The following FGF14 variants were observed in gnomAD, a reference collection of about 807,000 sequenced individuals.
FGF14 encodes the protein fibroblast growth factor 14, also known as fibroblast growth factor homologous factor 4.
Under a neutral mutation model 25.5 loss-of-function variants are expected in FGF14, and 5 were observed. The observed-to-expected ratio is 0.20, with a 90% CI of 0.10 to 0.41. The LOEUF is 0.41. FGF14 is among the 10% of genes least tolerant of loss of function. The probability of loss-of-function intolerance (pLI) is 1.00; values close to 1 mark genes in which losing one functional copy is unlikely to be tolerated. For missense variants in FGF14, 222 were observed against 320.1 expected, an observed-to-expected ratio of 0.69 and a Z score of 2.34; for synonymous variants, 138 against 118.3, an observed-to-expected ratio of 1.17 and a Z score of -1.08.
intron 1 of FGF14, among the ~76,000 whole-genome samples, chr13:102,017,355 C>T (rs2040401500): frequency 6.6e-6 from 1 of 152,110 alleles, no homozygotes; most frequent in South Asian, 2.1e-4. Context: ...TTTGTTTTAT[C>T]CCTAAAATCA....
chr13:102,070,956 AACACACAC>A (rs56002219), intron 1 of FGF14, among the ~76,000 whole-genome samples: 110 of 148,864 alleles, frequency 7.4e-4, no homozygotes, highest in Non-Finnish European at 1.0e-3. Context: ...AACAAAACAA[AACACACAC>A]ACACACACAC....
intron 1 of FGF14, among the ~76,000 whole-genome samples, chr13:102,274,905 A>G (rs190486693): frequency 6.6e-6 from 1 of 150,970 alleles, no homozygotes; most frequent in African/African-American, 2.4e-5. Flanking sequence ...TAAATAATAA[A>G]TAATTATTTA....
intron 1 of FGF14, among the ~76,000 whole-genome samples, chr13:102,278,917 G>A (rs1572463): frequency 0.74 from 111,731 of 151,886 alleles, 41,364 homozygotes; most frequent in East Asian, 0.82. Context: ...AGGAAACAAA[G>A]ATGATGTGAC....
intron 3 of FGF14, among the ~76,000 whole-genome samples, chr13:101,855,277 G>A (rs2044066609): frequency 1.3e-5 from 2 of 151,878 alleles, no homozygotes; most frequent in Admixed American, 1.3e-4. Flanking sequence ...TCTTCAACTT[G>A]CTGTTCTTAC....
At chr13:101,988,914 G>A (rs780030171) in intron 1 of FGF14, among the ~76,000 whole-genome samples, 2 of 151,836 alleles carry the variant, frequency 1.3e-5, no homozygotes, top group African/African-American at 4.8e-5. Flanking sequence ...TTGTTTGTTT[G>A]TTTTTTTACC....
At chr13:102,359,902 A>AT (rs1041045660) in intron 1 of FGF14, among the ~76,000 whole-genome samples, 1 of 151,906 alleles carries the variant, frequency 6.6e-6, no homozygotes, top group Non-Finnish European at 1.5e-5. Flanking sequence ...TGTGTTTACA[A>AT]TTTTTTTCTA....
intron 1 of FGF14, among the ~76,000 whole-genome samples, chr13:102,230,428 A>G (rs2051028900): frequency 6.6e-6 from 1 of 152,222 alleles, no homozygotes; most frequent in South Asian, 2.1e-4. Context: ...AAACACTGCA[A>G]TTACAAAGTA....
intron 3 of FGF14, among the ~76,000 whole-genome samples, chr13:101,807,942 A>G (rs747453663): frequency 9.9e-5 from 15 of 152,124 alleles, no homozygotes; most frequent in Non-Finnish European, 1.9e-4. Context: ...ATTATTCTGC[A>G]TAATACTGGT....
rs950854705 is a variant in FGF14 at position 101,944,838 on chromosome 13, A to T, written c.209-69542T>A. ...CTTTATAAGGTACCTAACATAGCCA[A>T]ATTGATAGGTACAGACAGTAGTATG... On this transcript the variant is annotated intron_variant, in intron 1 of 4. Transcript: ENST00000376131. 2.0e-5 allele frequency among the ~76,000 whole-genome samples: 3 copies of T among 152,274 alleles called. No homozygotes were observed. The South Asian group carries it at 6.2e-4, about 32-fold the overall frequency.
chr13:102,084,797 T>C (rs149738764), intron 1 of FGF14, among the ~76,000 whole-genome samples: 4 of 152,316 alleles, frequency 2.6e-5, no homozygotes, highest in Admixed American at 6.5e-5. Context: ...CTTGTCCAGG[T>C]GTGAATTTTC....
intron 3 of FGF14, among the ~76,000 whole-genome samples, chr13:101,765,336 C>G (rs1349649774): frequency 6.6e-6 from 1 of 152,194 alleles, no homozygotes; most frequent in South Asian, 2.1e-4. Flanking sequence ...CAATTCAATG[C>G]AGACCCTTGC....
intron 1 of FGF14, among the ~76,000 whole-genome samples, chr13:102,089,372 G>A (rs566694292): frequency 2.0e-5 from 3 of 152,268 alleles, no homozygotes; most frequent in South Asian, 2.1e-4. Flanking sequence ...CAAACAGAGG[G>A]AAGCAAAGCT....
chr13:102,156,851 T>C (rs1387675095), intron 1 of FGF14, among the ~76,000 whole-genome samples: 1 of 152,194 alleles, frequency 6.6e-6, no homozygotes, highest in Non-Finnish European at 1.5e-5. Context: ...ATCACAAGCA[T>C]TCTTATACAC....
chr13:102,267,161 T>A (rs1016081150), intron 1 of FGF14, among the ~76,000 whole-genome samples: 1 of 152,150 alleles, frequency 6.6e-6, no homozygotes, highest in African/African-American at 2.4e-5. Context: ...TTTATTATTA[T>A]TATACTTTAA....
intron 4 of FGF14, chr13:101,723,197 G>T (rs561548120): frequency 3.6e-6 from 2 of 548,520 alleles, no homozygotes; most frequent in East Asian, 3.4e-5. Flanking sequence ...GTATATGAGT[G>T]TGCATGGATT....
At position 102,106,308 on chromosome 13, in the gene FGF14, C is replaced by T. The variant is rs368944793; in HGVS notation, c.209-231012G>A. On this transcript the variant is annotated intron_variant, in intron 1 of 4. Transcript: ENST00000376131. ...AGCCTTGGCCAGGCGCAGTGCCTCACGCCTGTAATCCCAGCATTTTGGGAG... is the reference window on the plus strand; with the variant it reads ...AGCCTTGGCCAGGCGCAGTGCCTCATGCCTGTAATCCCAGCATTTTGGGAG... 8.5e-5 allele frequency among the ~76,000 whole-genome samples: 13 copies of T among 152,294 alleles called. No individual in the cohort carries two copies. In the East Asian group the frequency reaches 2.3e-3, roughly 27 times the overall value.
intron 1 of FGF14, among the ~76,000 whole-genome samples, chr13:101,915,552 CAGAG>C (rs938651003): frequency 6.6e-6 from 1 of 152,068 alleles, no homozygotes; most frequent in Admixed American, 6.6e-5. Context: ...CAGAGACAGG[CAGAG>C]AGAGAGACAA....
At chr13:101,787,201 G>A (rs2039889347) in intron 3 of FGF14, among the ~76,000 whole-genome samples, 2 of 152,054 alleles carry the variant, frequency 1.3e-5, no homozygotes. Context: ...CTGTCCAAGA[G>A]TATATCATAA....
At chr13:102,209,911 C>A (rs1328299007) in intron 1 of FGF14, among the ~76,000 whole-genome samples, 1 of 151,886 alleles carries the variant, frequency 6.6e-6, no homozygotes, top group East Asian at 1.9e-4. Context: ...TTTATAAAAA[C>A]AATTGTTCTC....
Sources: gnomAD v4.1 joint callset for allele counts (sites outside exome capture counted in the v4.1 genomes callset) on GRCh38, gnomAD v4.1.1 for gene constraint, MANE v1.5 for transcripts, NCBI Gene and HGNC (gene_info 2026-07-23, HGNC 2026-07-21) for gene names.